Variants in DNAH2 observed in about 807,000 individuals in gnomAD.
The protein encoded by DNAH2 is dynein axonemal heavy chain 2.
DNAH2 carries 323 observed loss-of-function variants against 523.5 expected under a neutral mutation model. That is an observed-to-expected ratio of 0.62 (90% CI 0.56 to 0.68). The LOEUF is 0.68. Ranked by LOEUF, DNAH2 falls within the 30% of genes least tolerant of loss-of-function variation. The probability of loss-of-function intolerance (pLI) is 0.00; values close to 1 mark genes in which losing one functional copy is unlikely to be tolerated. For synonymous variants in DNAH2, 2,093 were observed against 2,177.4 expected, an observed-to-expected ratio of 0.96 and a Z score of 1.08; for missense variants, 4,907 against 5,701.5, an observed-to-expected ratio of 0.86 and a Z score of 4.49.
intron 42 of DNAH2, 193 bp from the exon 43 acceptor site, chr17:7,787,667 C>T (rs61210184): frequency 0.025 from 14,655 of 592,128 alleles, 691 homozygotes; most frequent in East Asian, 0.13. Context: ...ACCTGAGAGG[C>T]GGAGGTTGCA....
At chr17:7,743,392 A>G (rs1206492007) in intron 12 of DNAH2, 2 of 701,558 alleles carry the variant, frequency 2.9e-6, no homozygotes, top group African/African-American at 3.5e-5. Flanking sequence ...TCGGCCAGGC[A>G]CGGTGGCTCA....
At position 7,824,545 on chromosome 17, in the gene DNAH2, G is replaced by A. The variant is rs760736216; in HGVS notation, c.11671G>A (p.Val3891Met). Residue 3891 changes from valine to methionine, a missense_variant, in exon 77 of 86, where the codon GTG becomes ATG. Coordinates refer to ENST00000572933, the MANE Select transcript of DNAH2 (RefSeq NM_020877.5). ...CTGGCATCTCCTTGCAGGACACTGGGTGTTCCTGGCAAACTGCCACCTGTC... is the reference window on the plus strand; with the variant it reads ...CTGGCATCTCCTTGCAGGACACTGGATGTTCCTGGCAAACTGCCACCTGTC... ...LREGVTQGHW[V>M]FLANCHLSLS... 1.9e-6 allele frequency: 3 copies of A among 1,562,060 alleles called. No individual in the cohort carries two copies. In the African/African-American group the frequency reaches 4.1e-5, roughly 21 times the overall value.
Position 7,754,457 on chromosome 17 carries a change from C to A in DNAH2, c.1905-2634C>A. 1 of 677,042 alleles carries A rather than the reference C, an allele frequency of 1.5e-6. No individual in the cohort carries two copies. The allele number at this position is 677,042 out of a possible 1,614,324, so 41.9% of individuals were successfully genotyped here. On this transcript the variant is annotated intron_variant, in intron 12 of 85. Transcript: ENST00000572933. The surrounding 1 kb of genome is among the most constrained non-coding windows in gnomAD (Gnocchi z 4.6). ...TGGCACAGAAATGGTATCAAGAAAC[C>A]GCGATCACAAAGATACAAATCTCTT...
At chr17:7,729,724 C>T (rs1398465780) in intron 4 of DNAH2, among the ~76,000 whole-genome samples, 2 of 152,216 alleles carry the variant, frequency 1.3e-5, no homozygotes, top group Non-Finnish European at 2.9e-5. Context: ...GCCACCACAC[C>T]CGGCTTGAGC....
In DNAH2 at chr17:7,823,587, T is replaced by C; in HGVS notation, c.11288T>C (p.Leu3763Pro). The C allele has an allele frequency of 6.2e-7, 1 of 1,614,172 alleles. No individual in the cohort carries two copies. The highest frequency in any genetic ancestry group is 1.3e-5 in the African/African-American group (1 of 75,044). The change falls in exon 74 of 86, where the codon CTG becomes CCG. Residue 3763 changes from leucine (L) to proline (P), a missense_variant. Leu to Pro is a moderately conservative substitution (Grantham distance 98). This residue lies in a region of DNAH2 where 1,851 missense variants were observed against 2,139.4 expected (regional missense o/e 0.87). Coordinates refer to ENST00000572933, the MANE Select transcript of DNAH2 (RefSeq NM_020877.5). The part of the protein sequence containing the change: ...SFEQYPRDWH[L>P]WYTNAAPEKA... ...GAGCAGTACCCTCGTGACTGGCACCTGTGGTATACCAATGCTGCCCCGGAG... is the reference window on the plus strand; with the variant it reads ...GAGCAGTACCCTCGTGACTGGCACCCGTGGTATACCAATGCTGCCCCGGAG...
rs200490783 is a variant in DNAH2 at position 7,766,377 on chromosome 17, G to A, written c.3571G>A (p.Ala1191Thr). ...SALDQITQVR[A>T]MLMAMREEEN... is the part of the protein sequence containing the mutation. The stretch of plus-strand genomic sequence containing the variant: ...CTTAGACCAGATTACACAAGTGCGG[G>A]CCATGCTGATGGCCATGCGGGAAGA... Residue 1191 changes from alanine to threonine, a missense_variant, in exon 22 of 86, where the codon GCC becomes ACC. Around this residue, in one of 3 missense-constraint regions of DNAH2, gnomAD observed 2,806 missense variants for 3,190.8 expected, o/e 0.88. Coordinates refer to ENST00000572933, the MANE Select transcript of DNAH2 (RefSeq NM_020877.5). 6.8e-6 allele frequency: 11 copies of A among 1,614,098 alleles called. No individual in the cohort carries two copies. In the East Asian group the frequency reaches 1.6e-4, roughly 23 times the overall value.
At chr17:7,752,905 A>C (rs1182905737) in intron 12 of DNAH2, among the ~76,000 whole-genome samples, 1 of 152,028 alleles carries the variant, frequency 6.6e-6, no homozygotes, top group African/African-American at 2.4e-5. Flanking sequence ...TACATGAAAA[A>C]CCAATTTCTG....
chr17:7,797,603 G>A lies in DNAH2; in HGVS notation c.8080+73G>A, dbSNP rs908403189. On this transcript the variant is annotated intron_variant, in intron 52 of 85. Transcript: ENST00000572933. ...CGGGGCTAGAAGGAGTCAGGGCATG[G>A]GGTCTGAAGTGTGGAGCCCTGTGGG... The A allele has an allele frequency of 5.8e-5, 94 of 1,613,752 alleles. 4 individuals are homozygous for A. The South Asian group carries it at 1.0e-3, about 17-fold the overall frequency.
At chr17:7,789,653 C>T (rs1487695670) in intron 44 of DNAH2, among the ~76,000 whole-genome samples, 3 of 151,650 alleles carry the variant, frequency 2.0e-5, no homozygotes, top group Non-Finnish European at 4.4e-5. Flanking sequence ...CTCAGCTCAC[C>T]GCAACCTCCG....
At chr17:7,737,860 T>C in intron 8 of DNAH2, 1 of 654,472 alleles carries the variant, frequency 1.5e-6, no homozygotes, top group Non-Finnish European at 2.8e-6. Flanking sequence ...GGAGTCAAAT[T>C]AAGGAGTAGG....
chr17:7,749,264 C>T (rs968968932), intron 12 of DNAH2, among the ~76,000 whole-genome samples: 5 of 124,552 alleles, frequency 4.0e-5, no homozygotes, highest in Non-Finnish European at 6.3e-5. Context: ...GCCGAGATTG[C>T]GCCATTGCAC....
intron 44 of DNAH2, among the ~76,000 whole-genome samples, chr17:7,790,445 C>G (rs2076866484): frequency 1.3e-5 from 2 of 152,212 alleles, no homozygotes; most frequent in African/African-American, 4.8e-5. Context: ...TGGTCTCAAA[C>G]TCCTGGACTC....
At chr17:7,756,815 C>T (rs1192645554) in intron 12 of DNAH2, among the ~76,000 whole-genome samples, 3 of 152,086 alleles carry the variant, frequency 2.0e-5, no homozygotes, top group Admixed American at 6.5e-5. Flanking sequence ...GGATTACAGG[C>T]GCACGCCACT....
intron 53 of DNAH2, 66 bp downstream of exon 53, chr17:7,797,895 G>A: frequency 6.5e-7 from 1 of 1,532,226 alleles, no homozygotes; most frequent in Non-Finnish European, 8.8e-7. Flanking sequence ...TAAGGAAATA[G>A]GGGTCCCTTC....
At chr17:7,793,511 CTTTCTTCTCTTTCTCTTTCTTTCTT>C (rs2076974102) in intron 48 of DNAH2, among the ~76,000 whole-genome samples, 1 of 127,428 alleles carries the variant, frequency 7.8e-6, no homozygotes, top group Non-Finnish European at 1.8e-5. Context: ...TTCTTTCTTT[CTTTCTTCTCTTTCTCTTTCTTTCTT>C]TTTCTTTCTT....
chr17:7,816,555 C>T lies in DNAH2; in HGVS notation c.9730-16C>T, dbSNP rs2077671908. 3 of 1,613,944 alleles carry T rather than the reference C, an allele frequency of 1.9e-6. No individual in the cohort carries two copies. Among genetic ancestry groups the T allele is most frequent in the Admixed American group, 1.7e-5 (1 of 59,994 alleles). Reference sequence around the variant, plus strand: ...CGAGCCCTGTGTTTGATGCGCTATACTCGAATCTCTCCCAGGTAGCTGAGA... The same window carrying T: ...CGAGCCCTGTGTTTGATGCGCTATATTCGAATCTCTCCCAGGTAGCTGAGA... On this transcript the variant is annotated splice_polypyrimidine_tract_variant and intron_variant, in intron 63 of 85. Transcript: ENST00000572933.
intron 7 of DNAH2, 116 bp from the exon 8 acceptor site, chr17:7,736,951 C>T (rs1225922085): frequency 1.6e-5 from 16 of 987,836 alleles, no homozygotes; most frequent in Non-Finnish European, 2.3e-5. Flanking sequence ...CATTGCACTC[C>T]AGCCCGGGTG....
chr17:7,795,785 T>C (rs1449594258), intron 49 of DNAH2, among the ~76,000 whole-genome samples: 1 of 146,774 alleles, frequency 6.8e-6, no homozygotes, highest in East Asian at 2.0e-4. Flanking sequence ...TCACCTGAGA[T>C]TGGGAGTTTG....
rs2077676217 is a variant in DNAH2, at chr17:7,816,676, G to A, written c.9835G>A (p.Ala3279Thr). Residue 3279 changes from alanine (A) to threonine (T), a missense_variant, in exon 64 of 86, where the codon GCT becomes ACT. Ala to Thr is a moderately conservative substitution (Grantham distance 58). This residue lies in a region of DNAH2 where 1,851 missense variants were observed against 2,139.4 expected (regional missense o/e 0.87). Coordinates refer to ENST00000572933, the MANE Select transcript of DNAH2 (RefSeq NM_020877.5). The part of the protein sequence containing the change: ...SEEMELKLER[A>T]GMLVSGLAGE... ...AGAGATGGAGCTGAAGCTGGAGCGA[G>A]CTGGGATGCTCGTGTCGGGGTTGGC... 3.7e-6 allele frequency: 6 copies of A among 1,614,244 alleles called. No individual in the cohort carries two copies. Among genetic ancestry groups the A allele is most frequent in the Non-Finnish European group, 5.1e-6 (6 of 1,180,046 alleles).
Sources: allele counts gnomAD v4.1 joint callset (sites outside exome capture counted in the v4.1 genomes callset), GRCh38; gene constraint gnomAD v4.1.1; regional missense constraint gnomAD v4.1.1; non-coding constraint Gnocchi (gnomAD v3.1); transcripts MANE v1.5; gene names NCBI Gene and HGNC (gene_info 2026-07-23, HGNC 2026-07-21).